The following COL18A1 variants were observed in gnomAD, a reference collection of about 807,000 sequenced individuals.
COL18A1 encodes collagen alpha-1(XVIII) chain.
COL18A1 carries 133 observed loss-of-function variants against 168.0 expected under a neutral mutation model. The ratio of observed to expected loss-of-function variants is 0.79; its 90% CI spans 0.69 to 0.91. The LOEUF is 0.91. COL18A1 is among the 40% of genes least tolerant of loss of function. COL18A1 has a pLI of 0.00. For synonymous variants in COL18A1, 949 were observed against 809.0 expected (o/e 1.17, Z -2.94); for missense variants, 2,126 against 1,925.4 (o/e 1.10, Z -1.95).
chr21:45,461,385 GCA>G (rs1375794875), intron 2 of COL18A1, among the ~76,000 whole-genome samples: 5 of 151,884 alleles, frequency 3.3e-5, no homozygotes, highest in African/African-American at 1.2e-4. Flanking sequence ...CGTTGCCTAT[GCA>G]CAGAGTGGGG....
chr21:45,486,832 T>C, intron 15 of COL18A1, 29 bp from the exon 16 acceptor site: 1 of 1,527,368 alleles, frequency 6.5e-7, no homozygotes, highest in Non-Finnish European at 8.8e-7. Context: ...CTGGGCTGGG[T>C]CCTGACACGC....
intron 2 of COL18A1, among the ~76,000 whole-genome samples, chr21:45,449,341 G>A (rs183016037): frequency 6.6e-6 from 1 of 152,312 alleles, no homozygotes; most frequent in African/African-American, 2.4e-5. Context: ...AGCCAAGAAG[G>A]CTCCCACCAC....
Position 45,489,599 on chromosome 21 carries a change from C to G in COL18A1, c.1959+78C>G. The G allele has an allele frequency of 4.2e-6, 4 of 962,688 alleles. No homozygotes were observed. The South Asian group carries it at 6.6e-5, about 16-fold the overall frequency. 59.6% of individuals were successfully genotyped at this position (962,688 alleles called of 1,614,324 possible). The stretch of plus-strand genomic sequence containing the variant: ...CCAGCCGGACACCTGCGGAGATCAG[C>G]TCGGGGCGGCCTTCCCCGCTCTTCC... On this transcript the variant is annotated intron_variant, in intron 19 of 41. Coordinates refer to ENST00000651438, the MANE Select transcript of COL18A1 (RefSeq NM_001379500.1).
rs141369984 is a variant in COL18A1 at position 45,419,373 on chromosome 21, A to G, written c.106+13900A>G. Among the ~76,000 whole-genome samples, 95 of 151,838 alleles carry G rather than the reference A, an allele frequency of 6.3e-4. 1 individual carries two copies. The highest frequency in any genetic ancestry group is 6.8e-3 in the Middle Eastern group (2 of 294). On this transcript the variant is annotated intron_variant, in intron 2 of 41. Transcript: ENST00000651438. ...GATGCGCGATGCCGTGTGTGGTGACACGATGCCGTGTGTGGTGACACTTAA... is the reference window on the plus strand; with the variant it reads ...GATGCGCGATGCCGTGTGTGGTGACGCGATGCCGTGTGTGGTGACACTTAA...
At chr21:45,416,868 T>A (rs2033464716) in intron 2 of COL18A1, among the ~76,000 whole-genome samples, 1 of 152,158 alleles carries the variant, frequency 6.6e-6, no homozygotes, top group Non-Finnish European at 1.5e-5. Flanking sequence ...GTTCTGCATA[T>A]CCTCGTTCTG....
At chr21:45,431,796 C>T (rs1029441711) in intron 2 of COL18A1, among the ~76,000 whole-genome samples, 30 of 152,072 alleles carry the variant, frequency 2.0e-4, no homozygotes, top group African/African-American at 5.6e-4. Flanking sequence ...CGGTCTAAGC[C>T]GCGCGCATTG....
Position 45,486,846 on chromosome 21 carries a change from C to A in COL18A1, c.1702-15C>A. 1 of 1,527,186 alleles carries A rather than the reference C, an allele frequency of 6.5e-7. No individual in the cohort carries two copies. The highest frequency in any genetic ancestry group is 1.2e-5 in the South Asian group (1 of 82,844). The allele number at this position is 1,527,186 out of a possible 1,614,324, so 94.6% of individuals were successfully genotyped here. On this transcript the variant is annotated splice_polypyrimidine_tract_variant and intron_variant, in intron 15 of 41. Transcript: ENST00000651438. ...GCTGGGCTGGGTCCTGACACGCTCT[C>A]CTCACCCCACGCAGGGGAGCAAGGG...
chr21:45,512,068 C>T (rs935563533), intron 41 of COL18A1, 120 bp from the exon 42 acceptor site: 265 of 1,121,420 alleles, frequency 2.4e-4, no homozygotes, highest in Middle Eastern at 1.2e-3. Flanking sequence ...GTGGGAGCCT[C>T]TGCAGCCCCC....
At chr21:45,476,008 C>T (rs996060049) in intron 5 of COL18A1, among the ~76,000 whole-genome samples, 7 of 152,204 alleles carry the variant, frequency 4.6e-5, no homozygotes, top group Non-Finnish European at 7.3e-5. Context: ...GGGACTGAGG[C>T]GCGGTGCTGT....
At chr21:45,493,109 G>A (rs568082495) in intron 24 of COL18A1, 54 bp from the exon 25 acceptor site, 6 of 1,506,448 alleles carry the variant, frequency 4.0e-6, no homozygotes, top group South Asian at 2.4e-5. Flanking sequence ...AGCAGCCGTC[G>A]GGGATGGGGG....
At chr21:45,429,028 G>A (rs900122909) in intron 2 of COL18A1, among the ~76,000 whole-genome samples, 6 of 151,560 alleles carry the variant, frequency 4.0e-5, no homozygotes, top group South Asian at 2.1e-4. Flanking sequence ...TCAGCCTCCC[G>A]AGTAGCTGGG....
intron 16 of COL18A1, 93 bp downstream of exon 16, chr21:45,487,085 G>A (rs900751321): frequency 1.1e-5 from 14 of 1,243,660 alleles, no homozygotes; most frequent in South Asian, 7.8e-5. Context: ...AGAGCAGCAC[G>A]TCCTGGGCGG....
chr21:45,409,643 C>T (rs996097398), intron 2 of COL18A1, among the ~76,000 whole-genome samples: 9 of 152,228 alleles, frequency 5.9e-5, no homozygotes, highest in Admixed American at 3.9e-4. Context: ...TCCAAGGCAG[C>T]GGAGTGCCAG....
At chr21:45,448,591 A>G (rs4819112) in intron 2 of COL18A1, among the ~76,000 whole-genome samples, 24,336 of 152,174 alleles carry the variant, frequency 0.16, 2,609 homozygotes, top group African/African-American at 0.3. Flanking sequence ...GAGCCGCAGC[A>G]TCTCCACACA....
chr21:45,475,558 G>A lies in COL18A1; in HGVS notation c.798+23G>A, dbSNP rs111967549. The stretch of plus-strand genomic sequence containing the variant: ...ACGGTGAGTAGCCGGACGGGGCCCA[G>A]CCCACGCTGCAGGGTCCCGGGAGAG... On this transcript the variant is annotated intron_variant, in intron 5 of 41. Transcript: ENST00000651438. The A allele has an allele frequency of 1.8e-4, 286 of 1,595,106 alleles. No homozygotes were observed. The African/African-American group carries it at 3.4e-3, about 19-fold the overall frequency.
At chr21:45,430,986 C>T (rs376561489) in intron 2 of COL18A1, among the ~76,000 whole-genome samples, 4 of 152,230 alleles carry the variant, frequency 2.6e-5, no homozygotes, top group African/African-American at 9.6e-5. Flanking sequence ...AAATAAGTCC[C>T]GGGGTGCCCT....
intron 2 of COL18A1, among the ~76,000 whole-genome samples, chr21:45,413,293 G>A (rs2033351505): frequency 6.6e-6 from 1 of 152,248 alleles, no homozygotes; most frequent in Admixed American, 6.5e-5. Flanking sequence ...GTATTAGAGA[G>A]GGCAGCCATT....
intron 17 of COL18A1, 152 bp downstream of exon 17, chr21:45,487,661 C>T (rs1391463734): frequency 2.4e-5 from 23 of 955,598 alleles, no homozygotes; most frequent in Admixed American, 2.3e-4. Flanking sequence ...CTGTGCCCCG[C>T]GGGCCACCCT....
chr21:45,510,021 G>T, intron 39 of COL18A1, 43 bp from the exon 40 acceptor site: 1 of 1,533,364 alleles, frequency 6.5e-7, no homozygotes, highest in South Asian at 1.2e-5. Flanking sequence ...GGGTGCAGGG[G>T]GCAGCGTGGG....
Sources: allele counts gnomAD v4.1 joint callset (sites outside exome capture counted in the v4.1 genomes callset), GRCh38; gene constraint gnomAD v4.1.1; transcripts MANE v1.5; gene names NCBI Gene and HGNC (gene_info 2026-07-23, HGNC 2026-07-21).